The following RNF152 variants were observed in gnomAD, a reference collection of about 807,000 sequenced individuals.
The protein encoded by RNF152 is E3 ubiquitin-protein ligase RNF152.
Under a neutral mutation model 12.7 loss-of-function variants are expected in RNF152, and 11 were observed. The observed-to-expected ratio is 0.86, with a 90% CI of 0.54 to 1.43. RNF152 has a LOEUF of 1.43. Among genes scored for constraint, RNF152 ranks in the 40% most tolerant of loss-of-function variants. The pLI, the probability that RNF152 is intolerant of heterozygous loss-of-function variation, is 0.00. For missense variants in RNF152, 255 were observed against 274.8 expected, an observed-to-expected ratio of 0.93 and a Z score of 0.51; for synonymous variants, 113 against 120.3, an observed-to-expected ratio of 0.94 and a Z score of 0.40.
chr18:61,840,023 C>T (rs917298343), intron 1 of RNF152, among the ~76,000 whole-genome samples: 1 of 152,208 alleles, frequency 6.6e-6, no homozygotes, highest in African/African-American at 2.4e-5. Context: ...GAAACCAAGG[C>T]CTGGGTAACA....
intron 1 of RNF152, among the ~76,000 whole-genome samples, chr18:61,864,334 T>G (rs891040786): frequency 1.3e-5 from 2 of 152,198 alleles, no homozygotes; most frequent in Admixed American, 1.3e-4. Flanking sequence ...AGCAGAACTC[T>G]GTGAGAATGG....
intron 1 of RNF152, among the ~76,000 whole-genome samples, chr18:61,838,999 C>T (rs1439808102): frequency 1.3e-5 from 2 of 151,604 alleles, no homozygotes; most frequent in Middle Eastern, 3.4e-3. Context: ...TGAACTTGGC[C>T]GTCATCTTCT....
chr18:61,852,687 CCTGAGGTT>C (rs1911040872), intron 1 of RNF152, among the ~76,000 whole-genome samples: 1 of 152,108 alleles, frequency 6.6e-6, no homozygotes, highest in South Asian at 2.1e-4. Context: ...GGTTTGGCTT[CCTGAGGTT>C]CTGATTCAAT....
chr18:61,843,365 A>C (rs1910538369), intron 1 of RNF152, among the ~76,000 whole-genome samples: 3 of 152,244 alleles, frequency 2.0e-5, no homozygotes, highest in Admixed American at 1.3e-4. Context: ...AATCTATAGC[A>C]ATAACTGTTG....
chr18:61,859,494 G>A (rs554235443), intron 1 of RNF152, among the ~76,000 whole-genome samples: 1 of 152,324 alleles, frequency 6.6e-6, no homozygotes, highest in African/African-American at 2.4e-5. Flanking sequence ...CTTGAAGAAG[G>A]GCCTGGAAGC....
intron 1 of RNF152, among the ~76,000 whole-genome samples, chr18:61,853,296 CTT>C (rs35190141): frequency 2.0e-4 from 25 of 127,452 alleles, no homozygotes; most frequent in Admixed American, 4.2e-4. Flanking sequence ...GTTCCTTGCC[CTT>C]TTTTTTTTTT....
intron 1 of RNF152, among the ~76,000 whole-genome samples, chr18:61,884,490 C>G (rs868369391): frequency 6.0e-5 from 9 of 150,594 alleles, no homozygotes; most frequent in Admixed American, 4.0e-4. Flanking sequence ...GAGTTAAATA[C>G]CTACAGGAAG....
At chr18:61,863,702 T>C (rs1374178759) in intron 1 of RNF152, among the ~76,000 whole-genome samples, 2 of 152,214 alleles carry the variant, frequency 1.3e-5, no homozygotes, top group Non-Finnish European at 2.9e-5. Flanking sequence ...AAGTGCGTTT[T>C]CCTGATTCTG....
chr18:61,817,477 G>A lies in RNF152; in HGVS notation c.-135-879C>T, dbSNP rs527859652. On this transcript the variant is annotated intron_variant, in intron 1 of 1. Coordinates refer to ENST00000312828, the MANE Select transcript of RNF152 (RefSeq NM_173557.3). ...GATACGGTCAGCCCTTTCTATGAGT[G>A]GGTTCTGCATCTGCGACCAAATGAC... Among the ~76,000 whole-genome samples the A allele has an allele frequency of 2.6e-5, 4 of 152,250 alleles. No homozygotes were observed. In the South Asian group the frequency reaches 8.3e-4, roughly 32 times the overall value.
chr18:61,853,766 C>T (rs546783772), intron 1 of RNF152, among the ~76,000 whole-genome samples: 1 of 152,306 alleles, frequency 6.6e-6, no homozygotes, highest in East Asian at 1.9e-4. Context: ...TTTCAGGATA[C>T]ACTCACCATT....
intron 1 of RNF152, among the ~76,000 whole-genome samples, chr18:61,858,111 T>C (rs1911308141): frequency 6.6e-6 from 1 of 152,192 alleles, no homozygotes; most frequent in Admixed American, 6.5e-5. Flanking sequence ...TCTACCCCAA[T>C]TTCCAGGACC....
At chr18:61,867,317 T>C (rs1392931863) in intron 1 of RNF152, among the ~76,000 whole-genome samples, 1 of 151,990 alleles carries the variant, frequency 6.6e-6, no homozygotes, top group African/African-American at 2.4e-5. Context: ...TTGGGTATGG[T>C]GGCATGCTCC....
chr18:61,868,564 G>A (rs980929593), intron 1 of RNF152, among the ~76,000 whole-genome samples: 9 of 152,146 alleles, frequency 5.9e-5, no homozygotes, highest in Non-Finnish European at 7.4e-5. Context: ...TTAGCCGGGC[G>A]TCATGGCAGG....
At chr18:61,883,362 C>T (rs1407514980) in intron 1 of RNF152, among the ~76,000 whole-genome samples, 1 of 152,114 alleles carries the variant, frequency 6.6e-6, no homozygotes, top group African/African-American at 2.4e-5. Flanking sequence ...AGATTCCTTG[C>T]CTTTATTAAA....
intron 1 of RNF152, among the ~76,000 whole-genome samples, chr18:61,830,753 G>T (rs1253230079): frequency 7.0e-6 from 1 of 142,762 alleles, no homozygotes; most frequent in African/African-American, 2.5e-5. Context: ...AGTACAAAGA[G>T]CTGAGAGTGA....
intron 1 of RNF152, among the ~76,000 whole-genome samples, chr18:61,830,306 A>G (rs1413477873): frequency 3.9e-5 from 6 of 152,080 alleles, no homozygotes; most frequent in Admixed American, 3.9e-4. Flanking sequence ...GATTACAGGC[A>G]TGAGCCACAG....
In RNF152 at chr18:61,828,568, G is replaced by T. The variant is rs200839055; in HGVS notation, c.-135-11970C>A. On this transcript the variant is annotated intron_variant, in intron 1 of 1. Coordinates refer to ENST00000312828, the MANE Select transcript of RNF152 (RefSeq NM_173557.3). ...GCCTCCAGAGTAGCTGGGACTACAG[G>T]TGTACACCATTGCACTGGCAAATTT... 2.3e-4 allele frequency among the ~76,000 whole-genome samples: 35 copies of T among 152,292 alleles called. No individual in the cohort carries two copies. The East Asian group carries it at 6.4e-3, about 28-fold the overall frequency.
intron 1 of RNF152, among the ~76,000 whole-genome samples, chr18:61,838,498 C>A (rs553031487): frequency 6.6e-6 from 1 of 152,150 alleles, no homozygotes; most frequent in Non-Finnish European, 1.5e-5. Context: ...TCTCAAAGAA[C>A]CAAGATTCAA....
chr18:61,892,048 C>G (rs1912984094), intron 1 of RNF152, among the ~76,000 whole-genome samples: 1 of 152,196 alleles, frequency 6.6e-6, no homozygotes, highest in South Asian at 2.1e-4. Flanking sequence ...GCACTCTTAT[C>G]AAGATAACCC....
Sources: allele counts gnomAD v4.1 joint callset (sites outside exome capture counted in the v4.1 genomes callset), GRCh38; gene constraint gnomAD v4.1.1; transcripts MANE v1.5; gene names NCBI Gene and HGNC (gene_info 2026-07-23, HGNC 2026-07-21).